The following FNDC3B variants were observed in gnomAD, a reference collection of about 807,000 sequenced individuals.
FNDC3B encodes fibronectin type III domain-containing protein 3B.
A neutral mutation model predicts 151.5 loss-of-function variants in FNDC3B; 12 were observed. The ratio of observed to expected loss-of-function variants is 0.08; its 90% CI spans 0.05 to 0.13. FNDC3B has a LOEUF of 0.13. Among genes scored for constraint, FNDC3B ranks in the 10% least tolerant of loss-of-function variants. The pLI, the probability that FNDC3B is intolerant of heterozygous loss-of-function variation, is 1.00. For missense variants in FNDC3B, 1,214 were observed against 1,505.3 expected (o/e 0.81, Z 3.20); for synonymous variants, 528 against 549.0 (o/e 0.96, Z 0.54).
At chr3:172,334,084 C>T (rs1255400515) in intron 14 of FNDC3B, among the ~76,000 whole-genome samples, 2 of 152,226 alleles carry the variant, frequency 1.3e-5, no homozygotes, top group African/African-American at 4.8e-5. Flanking sequence ...TGATTCCACA[C>T]ATTCTTCTCT....
chr3:172,249,966 TATTG>T (rs2108774236), intron 5 of FNDC3B, among the ~76,000 whole-genome samples: 1 of 143,266 alleles, frequency 7.0e-6, no homozygotes, highest in East Asian at 2.1e-4. Flanking sequence ...TTGAAGAAAT[TATTG>T]ATATTCCTTC....
chr3:172,093,925 A>G (rs1718973372), intron 1 of FNDC3B, among the ~76,000 whole-genome samples: 1 of 152,206 alleles, frequency 6.6e-6, no homozygotes, highest in Non-Finnish European at 1.5e-5. Context: ...TATATTTCAC[A>G]TGTCATACAG....
rs561539063 is a variant in FNDC3B at position 172,136,578 on chromosome 3, A to C, written c.187+3032A>C. 3.3e-5 allele frequency among the ~76,000 whole-genome samples: 5 copies of C among 152,130 alleles called. No individual in the cohort carries two copies. In the South Asian group the frequency reaches 1.0e-3, roughly 32 times the overall value. ...GGAGGCAGTTCTTTGTCATTTAAAA[A>C]CCTATTAGGAAGGAATCTGAAAATG... On this transcript the variant is annotated intron_variant, in intron 3 of 25. Coordinates refer to ENST00000415807, the MANE Select transcript of FNDC3B (RefSeq NM_022763.4).
intron 6 of FNDC3B, among the ~76,000 whole-genome samples, chr3:172,265,379 C>T (rs116595931): frequency 6.6e-5 from 10 of 152,120 alleles, no homozygotes; most frequent in Non-Finnish European, 1.2e-4. Context: ...GTAATGTGTC[C>T]ACTGCTAGGA....
At chr3:172,323,772 T>C (rs912610403) in intron 11 of FNDC3B, among the ~76,000 whole-genome samples, 1 of 152,192 alleles carries the variant, frequency 6.6e-6, no homozygotes, top group Admixed American at 6.5e-5. Flanking sequence ...TTCTTCAGAA[T>C]TTAGCAGGAC....
chr3:172,249,149 T>C (rs1727937413), intron 5 of FNDC3B, among the ~76,000 whole-genome samples: 1 of 152,178 alleles, frequency 6.6e-6, no homozygotes, highest in Non-Finnish European at 1.5e-5. Flanking sequence ...ATGCATTAAA[T>C]AATTGAGTGT....
At chr3:172,306,017 A>G (rs77231284) in intron 9 of FNDC3B, among the ~76,000 whole-genome samples, 193 of 152,354 alleles carry the variant, frequency 1.3e-3, no homozygotes, top group Non-Finnish European at 2.2e-3. Context: ...CATAAGGCAA[A>G]TAGATCAAAT....
At chr3:172,369,673 C>CTGT (rs1355665754) in intron 23 of FNDC3B, among the ~76,000 whole-genome samples, 1 of 152,134 alleles carries the variant, frequency 6.6e-6, no homozygotes, top group Non-Finnish European at 1.5e-5. Context: ...TTCTCAATAG[C>CTGT]TGTTGGCACG....
chr3:172,079,510 A>G (rs993891669), intron 1 of FNDC3B, among the ~76,000 whole-genome samples: 1 of 152,372 alleles, frequency 6.6e-6, no homozygotes, highest in Non-Finnish European at 1.5e-5. Context: ...TTTTGCAACC[A>G]GGGCATTTCT....
intron 6 of FNDC3B, among the ~76,000 whole-genome samples, chr3:172,283,121 C>T (rs1219402044): frequency 6.6e-6 from 1 of 152,166 alleles, no homozygotes. Context: ...TAATCAAAGG[C>T]AAACAGAGAA....
chr3:172,205,902 A>G (rs1410246754), intron 3 of FNDC3B, among the ~76,000 whole-genome samples: 2 of 152,172 alleles, frequency 1.3e-5, no homozygotes, highest in Non-Finnish European at 2.9e-5. Context: ...TGGGTAATAC[A>G]TTTTGTTCAG....
chr3:172,348,836 A>T (rs981977341), intron 21 of FNDC3B, among the ~76,000 whole-genome samples: 2 of 152,236 alleles, frequency 1.3e-5, no homozygotes, highest in Non-Finnish European at 2.9e-5. Context: ...TACTACTTTT[A>T]AGATTACCAT....
chr3:172,043,193 A>G lies in FNDC3B; in HGVS notation c.-29+3422A>G, dbSNP rs190125496. 6.0e-3 allele frequency among the ~76,000 whole-genome samples: 915 copies of G among 152,364 alleles called. 8 individuals carry two copies. The highest frequency in any genetic ancestry group is 0.01 in the Non-Finnish European group (700 of 68,034). On this transcript the variant is annotated intron_variant, in intron 1 of 25. Coordinates refer to ENST00000415807, the MANE Select transcript of FNDC3B (RefSeq NM_022763.4). ...CGGGCTCCCAGAGTGCTGGAATTAC[A>G]GGCGTGAGCCACCACACCCGGACTA...
Position 172,400,205 on chromosome 3 carries a change from A to G in FNDC3B, c.*2730A>G, listed in dbSNP as rs759358191. 3.3e-5 allele frequency: 5 copies of G among 152,264 alleles called. No homozygotes were observed. Among genetic ancestry groups the G allele is most frequent in the Admixed American group, 2.0e-4 (3 of 15,286 alleles). 9.4% of individuals were successfully genotyped at this position (152,264 alleles called of 1,614,324 possible). A position where few individuals can be genotyped will look rare whatever the true frequency, so the allele number is the denominator to read the frequency against. ...TGCTCTGACTCTTCTCTGTATGTCA[A>G]ACTCATCCCTGGCACAAGAAATTCC... On this transcript the variant is annotated 3_prime_UTR_variant, in exon 26 of 26. Coordinates refer to ENST00000415807, the MANE Select transcript of FNDC3B (RefSeq NM_022763.4).
chr3:172,310,754 G>T, intron 10 of FNDC3B, 74 bp from the exon 11 acceptor site: 1 of 1,064,044 alleles, frequency 9.4e-7, no homozygotes, highest in Non-Finnish European at 1.5e-6. Context: ...GACACTGTAT[G>T]TGAGCCAGGT....
chr3:172,297,936 G>A (rs1179711578), intron 8 of FNDC3B, among the ~76,000 whole-genome samples: 2 of 152,010 alleles, frequency 1.3e-5, no homozygotes, highest in South Asian at 2.1e-4. Context: ...TTTGTCGCTT[G>A]GTCTATAAAT....
rs888277198 is a variant in FNDC3B at position 172,186,612 on chromosome 3, A to G, written c.188-40259A>G. 15 of 664,232 alleles carry G rather than the reference A, an allele frequency of 2.3e-5. 1 individual carries two copies. The highest frequency in any genetic ancestry group is 2.2e-4 in the African/African-American group (12 of 55,240). The allele number at this position is 664,232 out of a possible 1,614,324, so 41.1% of individuals were successfully genotyped here. On this transcript the variant is annotated intron_variant, in intron 3 of 25. Coordinates refer to ENST00000415807, the MANE Select transcript of FNDC3B (RefSeq NM_022763.4). ...TTTTTACTCTTATTTTATAAATCCTATACCAGCATTTTAAAAAATGAAGAA... is the reference window on the plus strand; with the variant it reads ...TTTTTACTCTTATTTTATAAATCCTGTACCAGCATTTTAAAAAATGAAGAA...
At chr3:172,335,298 T>G in intron 15 of FNDC3B, 1 of 412,046 alleles carries the variant, frequency 2.4e-6, no homozygotes, top group Non-Finnish European at 4.3e-6. Context: ...GACAATTAAA[T>G]TTTAGTGGAA....
intron 6 of FNDC3B, among the ~76,000 whole-genome samples, chr3:172,253,412 T>C (rs576826029): frequency 2.6e-5 from 4 of 152,328 alleles, no homozygotes; most frequent in African/African-American, 9.6e-5. Flanking sequence ...GTCCATCAAG[T>C]GGCTCACAAT....
Sources: allele counts gnomAD v4.1 joint callset (sites outside exome capture counted in the v4.1 genomes callset), GRCh38; gene constraint gnomAD v4.1.1; transcripts MANE v1.5; gene names NCBI Gene and HGNC (gene_info 2026-07-23, HGNC 2026-07-21).